RUNX1T1: variants seen among roughly 807,000 people sequenced by gnomAD.
RUNX1T1 encodes RUNX1 partner transcriptional co-repressor 1, also known as protein CBFA2T1.
Under a neutral mutation model 62.8 loss-of-function variants are expected in RUNX1T1, and 4 were observed. The ratio of observed to expected loss-of-function variants is 0.06; its 90% CI spans 0.03 to 0.15. The LOEUF (loss-of-function observed/expected upper bound fraction) is 0.15. RUNX1T1 is among the 10% of genes least tolerant of loss of function. The probability of loss-of-function intolerance (pLI) is 1.00; values close to 1 mark genes in which losing one functional copy is unlikely to be tolerated. For synonymous variants in RUNX1T1, 291 were observed against 286.0 expected (o/e 1.02, Z -0.18); for missense variants, 508 against 754.3 (o/e 0.67, Z 3.82).
intron 8 of RUNX1T1, 54 bp from the exon 10 acceptor site, chr8:91,976,027 C>A (rs1813862980): frequency 7.9e-7 from 1 of 1,258,300 alleles, no homozygotes; most frequent in African/African-American, 1.5e-5. Context: ...TGTAAGCACA[C>A]TTGTGTCATC....
At chr8:92,035,927 A>G (rs945835299) in intron 1 of RUNX1T1, among the ~76,000 whole-genome samples, 18 of 152,182 alleles carry the variant, frequency 1.2e-4, no homozygotes, top group African/African-American at 4.3e-4. Flanking sequence ...TGAATGACAC[A>G]TTTTTACAAT....
At chr8:92,049,219 C>A (rs1341715082) in intron 1 of RUNX1T1, among the ~76,000 whole-genome samples, 1 of 152,196 alleles carries the variant, frequency 6.6e-6, no homozygotes, top group East Asian at 1.9e-4. Context: ...TGTTTCTCAG[C>A]AAGGCAACTA....
chr8:92,100,083 C>T (rs1213475429), upstream of RUNX1T1, among the ~76,000 whole-genome samples: 2 of 152,100 alleles, frequency 1.3e-5, no homozygotes, highest in African/African-American at 4.8e-5. Flanking sequence ...AGTCCCATAG[C>T]TGCAAAAATA....
intron 10 of RUNX1T1, among the ~76,000 whole-genome samples, chr8:91,961,435 T>A (rs929627574): frequency 1.1e-4 from 16 of 151,944 alleles, no homozygotes; most frequent in Middle Eastern, 3.4e-3. Flanking sequence ...CATTTGGGAG[T>A]GATGAGAACA....
intron 1 of RUNX1T1, among the ~76,000 whole-genome samples, chr8:92,087,488 A>AC (rs541075884): frequency 7.2e-5 from 11 of 152,102 alleles, no homozygotes; most frequent in Non-Finnish European, 1.5e-4. Flanking sequence ...GATGAATCCT[A>AC]CCTGTCTCAA....
At chr8:92,002,188 A>G (rs1288605142) in intron 5 of RUNX1T1, among the ~76,000 whole-genome samples, 1 of 152,156 alleles carries the variant, frequency 6.6e-6, no homozygotes. Flanking sequence ...GAAATAACAT[A>G]ATTTTATAAT....
rs546916697 is a variant in RUNX1T1, at chr8:92,012,303, G to C, written c.388-1212C>G. On this transcript the variant is annotated intron_variant, in intron 3 of 10. Coordinates refer to ENST00000396218, the Ensembl canonical transcript of RUNX1T1. ...CACGCCTGTAATCCCAGTAGCTTTG[G>C]GAGGCCAAGGTGGGAGTGTCACTTG... Among the ~76,000 whole-genome samples, 3 of 152,264 alleles carry C rather than the reference G, an allele frequency of 2.0e-5. No homozygotes were observed. The East Asian group carries it at 5.8e-4, about 29-fold the overall frequency.
intron 5 of RUNX1T1, among the ~76,000 whole-genome samples, chr8:91,993,409 A>G (rs532167820): frequency 6.6e-6 from 1 of 152,250 alleles, no homozygotes; most frequent in Admixed American, 6.5e-5. Context: ...CTGAGGGTAA[A>G]TCTTCAGAGT....
intron 1 of RUNX1T1, among the ~76,000 whole-genome samples, chr8:92,043,738 A>G (rs1254415142): frequency 2.0e-5 from 3 of 152,120 alleles, no homozygotes; most frequent in Admixed American, 2.0e-4. Flanking sequence ...GCACTCTGGT[A>G]GGCTGAGGCG....
chr8:92,037,887 T>A (rs1827717514), intron 1 of RUNX1T1, among the ~76,000 whole-genome samples: 1 of 152,114 alleles, frequency 6.6e-6, no homozygotes. Flanking sequence ...ACTTACTATT[T>A]CCCTTCTCCC....
rs117187487 is a variant in RUNX1T1, at chr8:92,052,692, G to A, written c.7+9854C>T. Among the ~76,000 whole-genome samples, 572 of 152,236 alleles carry A rather than the reference G, an allele frequency of 3.8e-3. 2 individuals are homozygous for A. The highest frequency in any genetic ancestry group is 6.0e-3 in the Non-Finnish European group (407 of 68,002). On this transcript the variant is annotated intron_variant, in intron 1 of 10. Transcript: ENST00000396218. ...CCTCTGAGGGCTTGTTCAAACACACGTTACTGGGTCTACCCACAGAGTTTC... is the reference window on the plus strand; with the variant it reads ...CCTCTGAGGGCTTGTTCAAACACACATTACTGGGTCTACCCACAGAGTTTC...
At chr8:91,976,128 C>T in intron 8 of RUNX1T1, 155 bp from the exon 10 acceptor site, 1 of 573,728 alleles carries the variant, frequency 1.7e-6, no homozygotes, top group East Asian at 2.9e-5. Flanking sequence ...CTTGAAAACA[C>T]ATAAAAATAG....
chr8:92,004,287 T>C (rs546478118), intron 5 of RUNX1T1: 3 of 152,330 alleles, frequency 2.0e-5, no homozygotes, highest in African/African-American at 4.8e-5. Context: ...TTTTTGAATA[T>C]AGTTTCATTG....
At position 91,960,531 on chromosome 8, in the gene RUNX1T1, C is replaced by A. The variant is rs372518555; in HGVS notation, c.1459-14G>T. Reference sequence around the variant, plus strand: ...ATTCCAGCAACTCTAAAGGAGAAGGCAGAAGAAAGCAAGATCCCAAGTTAA... The same window carrying A: ...ATTCCAGCAACTCTAAAGGAGAAGGAAGAAGAAAGCAAGATCCCAAGTTAA... On this transcript the variant is annotated splice_polypyrimidine_tract_variant and intron_variant, in intron 10 of 10. Coordinates refer to ENST00000396218, the Ensembl canonical transcript of RUNX1T1. The A allele has an allele frequency of 2.5e-5, 40 of 1,612,550 alleles. No homozygotes were observed. The highest frequency in any genetic ancestry group is 1.7e-4 in the Middle Eastern group (1 of 6,054).
intron 8 of RUNX1T1, among the ~76,000 whole-genome samples, chr8:91,984,496 A>G (rs2130806894): frequency 6.6e-6 from 1 of 152,336 alleles, no homozygotes; most frequent in South Asian, 2.1e-4. Context: ...AAGGCCCTCA[A>G]AGAAAGAAAT....
intron 1 of RUNX1T1, chr8:92,095,704 G>C (rs992194617): frequency 1.4e-6 from 1 of 697,392 alleles, no homozygotes; most frequent in Non-Finnish European, 2.1e-6. Flanking sequence ...GGGGGCGGGG[G>C]CTCAGACCCC....
chr8:92,084,988 G>C (rs1414002082), intron 1 of RUNX1T1, among the ~76,000 whole-genome samples: 1 of 152,200 alleles, frequency 6.6e-6, no homozygotes, highest in Admixed American at 6.5e-5. Flanking sequence ...TAGCCATCAA[G>C]TCAGATGCCA....
intron 1 of RUNX1T1, chr8:92,095,504 G>A (rs1436450418): frequency 4.6e-6 from 7 of 1,515,836 alleles, no homozygotes; most frequent in Non-Finnish European, 5.3e-6. Flanking sequence ...GGAGGGAGAG[G>A]AGAGAAGCCA....
chr8:92,090,084 C>T (rs185749321), intron 1 of RUNX1T1, among the ~76,000 whole-genome samples: 2 of 151,994 alleles, frequency 1.3e-5, no homozygotes, highest in Non-Finnish European at 2.9e-5. Context: ...AGAAATTTGC[C>T]TGAGGGCTGG....
Sources: allele counts gnomAD v4.1 joint callset (sites outside exome capture counted in the v4.1 genomes callset), GRCh38; gene constraint gnomAD v4.1.1; transcripts MANE v1.5; gene names NCBI Gene and HGNC (gene_info 2026-07-23, HGNC 2026-07-21).